The following LGR6 variants were observed in gnomAD, a reference collection of about 807,000 sequenced individuals.
LGR6 encodes the protein leucine rich repeat containing G protein-coupled receptor 6, also known as leucine-rich repeat-containing G protein-coupled receptor 6.
In LGR6, 45 loss-of-function variants were observed where a neutral mutation model predicts 69.4. The observed-to-expected ratio is 0.65, with a 90% CI of 0.51 to 0.83. LGR6 has a LOEUF of 0.83. Ranked by LOEUF, LGR6 falls within the 40% of genes least tolerant of loss-of-function variation. LGR6 has a pLI of 0.00. For missense variants in LGR6, 1,108 were observed against 1,246.7 expected (o/e 0.89, Z 1.68); for synonymous variants, 538 against 555.0 (o/e 0.97, Z 0.43).
chr1:202,281,037 T>C (rs1665965898), intron 6 of LGR6, 185 bp downstream of exon 6: 2 of 581,152 alleles, frequency 3.4e-6, no homozygotes, highest in Admixed American at 6.5e-5. Flanking sequence ...AATGAATTTC[T>C]TCCTCCTTCA....
chr1:202,314,359 C>T (rs1006736269), intron 16 of LGR6, among the ~76,000 whole-genome samples: 7 of 152,200 alleles, frequency 4.6e-5, no homozygotes, highest in Non-Finnish European at 4.4e-5. Flanking sequence ...CACTCGTTCA[C>T]GTCTAAACAC....
chr1:202,215,761 T>A (rs1659734763), intron 1 of LGR6, among the ~76,000 whole-genome samples: 4 of 152,140 alleles, frequency 2.6e-5, no homozygotes, highest in Non-Finnish European at 5.9e-5. Context: ...TGCGTGTGTA[T>A]GTGACAAGGA....
At chr1:202,234,172 C>A (rs2147990112) in intron 3 of LGR6, among the ~76,000 whole-genome samples, 1 of 152,350 alleles carries the variant, frequency 6.6e-6, no homozygotes, top group Admixed American at 6.5e-5. Context: ...TGCTCACAGC[C>A]CTGGGCTCTG....
chr1:202,232,928 C>A (rs1661212257), intron 3 of LGR6, among the ~76,000 whole-genome samples: 1 of 152,332 alleles, frequency 6.6e-6, no homozygotes, highest in Non-Finnish European at 1.5e-5. Context: ...TCCTTCCAAC[C>A]TTTATAACCC....
At chr1:202,251,001 G>C (rs971101312) in intron 4 of LGR6, among the ~76,000 whole-genome samples, 2 of 152,184 alleles carry the variant, frequency 1.3e-5, no homozygotes, top group Non-Finnish European at 2.9e-5. Context: ...GGACCTGGGG[G>C]AGAAGGGCCC....
chr1:202,197,531 G>A, intron 1 of LGR6: 1 of 514,934 alleles, frequency 1.9e-6, no homozygotes, highest in South Asian at 1.5e-5. Context: ...CCAAGAGGGA[G>A]ATGGAGCCCC....
At chr1:202,222,983 C>T (rs934595514) in intron 1 of LGR6, among the ~76,000 whole-genome samples, 1 of 152,174 alleles carries the variant, frequency 6.6e-6, no homozygotes, top group Non-Finnish European at 1.5e-5. Context: ...TGCCCATAAT[C>T]CCAGCTACTC....
intron 4 of LGR6, among the ~76,000 whole-genome samples, chr1:202,270,091 G>C (rs1396326318): frequency 6.6e-6 from 1 of 152,074 alleles, no homozygotes; most frequent in East Asian, 1.9e-4. Flanking sequence ...GGGCTGTAAG[G>C]GCCCCTGGTT....
intron 3 of LGR6, among the ~76,000 whole-genome samples, 159 bp from the exon 4 acceptor site, chr1:202,235,763 C>T (rs570178735): frequency 1.3e-5 from 2 of 152,264 alleles, no homozygotes; most frequent in East Asian, 3.9e-4. Flanking sequence ...TCTGCACTAA[C>T]AAAGCAGGGG....
intron 1 of LGR6, chr1:202,203,811 G>C: frequency 6.2e-7 from 1 of 1,613,858 alleles, no homozygotes; most frequent in African/African-American, 1.3e-5. Context: ...AAAACCCACA[G>C]GCCAAGGAAT....
At chr1:202,210,236 CTGTT>C (rs1659408915) in intron 1 of LGR6, among the ~76,000 whole-genome samples, 1 of 152,156 alleles carries the variant, frequency 6.6e-6, no homozygotes, top group Non-Finnish European at 1.5e-5. Flanking sequence ...GGTTACTTGT[CTGTT>C]TCTCAGACCA....
At chr1:202,301,785 G>T (rs1667613535) in intron 9 of LGR6, among the ~76,000 whole-genome samples, 1 of 152,178 alleles carries the variant, frequency 6.6e-6, no homozygotes, top group African/African-American at 2.4e-5. Context: ...GGGAGGCTGA[G>T]GCGGGTGGAT....
At chr1:202,213,893 G>A (rs1353561803) in intron 1 of LGR6, among the ~76,000 whole-genome samples, 1 of 152,180 alleles carries the variant, frequency 6.6e-6, no homozygotes, top group Non-Finnish European at 1.5e-5. Context: ...ACTCTATTCA[G>A]TCCAACTGCA....
At chr1:202,309,761 G>A (rs1653565294) in intron 15 of LGR6, among the ~76,000 whole-genome samples, 2 of 152,248 alleles carry the variant, frequency 1.3e-5, no homozygotes, top group South Asian at 2.1e-4. Context: ...GGGATAGGGT[G>A]CAGGTCTCAC....
At chr1:202,273,152 G>A (rs1039753293) in intron 4 of LGR6, among the ~76,000 whole-genome samples, 3 of 152,196 alleles carry the variant, frequency 2.0e-5, no homozygotes, top group Non-Finnish European at 4.4e-5. Flanking sequence ...CTACCTCAAT[G>A]GCATTTTTGA....
At chr1:202,250,023 C>T (rs1166191150) in intron 4 of LGR6, among the ~76,000 whole-genome samples, 1 of 152,236 alleles carries the variant, frequency 6.6e-6, no homozygotes, top group East Asian at 1.9e-4. Context: ...CTGGCTCCTG[C>T]CCATCTCTCA....
In LGR6 at chr1:202,318,262, G is replaced by A. The variant is rs750445864; in HGVS notation, c.1959G>A (p.Ser653=). Reference sequence around the variant, plus strand: ...CTGGCTTCCTGGCAGTACTTGGGTCGGAGGCATCGGTGCTGCTGCTCACTC... The same window carrying A: ...CTGGCTTCCTGGCAGTACTTGGGTCAGAGGCATCGGTGCTGCTGCTCACTC... ...RATGFLAVLG[S]EASVLLLTLA... Residue 653 remains serine (S), a synonymous_variant, in exon 18 of 18, where the codon TCG becomes TCA. Coordinates refer to ENST00000367278, the MANE Select transcript of LGR6 (RefSeq NM_001017403.2). The A allele has an allele frequency of 2.3e-5, 37 of 1,608,846 alleles. No individual in the cohort carries two copies. The Middle Eastern group carries it at 6.6e-4, about 29-fold the overall frequency.
intron 1 of LGR6, among the ~76,000 whole-genome samples, chr1:202,210,194 C>G (rs1388624028): frequency 2.6e-5 from 4 of 152,082 alleles, no homozygotes; most frequent in Admixed American, 6.5e-5. Flanking sequence ...CCTGCCCTGC[C>G]GCAAGGCTCA....
At chr1:202,223,082 C>G (rs886717788) in intron 1 of LGR6, among the ~76,000 whole-genome samples, 2 of 134,526 alleles carry the variant, frequency 1.5e-5, no homozygotes, top group Non-Finnish European at 3.3e-5. Context: ...GCCTGGGTGA[C>G]AACAGTGAAA....
Sources: allele counts gnomAD v4.1 joint callset (sites outside exome capture counted in the v4.1 genomes callset), GRCh38; gene constraint gnomAD v4.1.1; transcripts MANE v1.5; gene names NCBI Gene and HGNC (gene_info 2026-07-23, HGNC 2026-07-21).